LYPD6B: variants seen among roughly 807,000 people sequenced by gnomAD.
LYPD6B encodes the protein LY6/PLAUR domain containing 6B.
A neutral mutation model predicts 22.8 loss-of-function variants in LYPD6B; 17 were observed. That is an observed-to-expected ratio of 0.75 (90% CI 0.51 to 1.12). The LOEUF (loss-of-function observed/expected upper bound fraction) is 1.12, where lower values mean the gene tolerates loss of function less well. LYPD6B is among the 50% of genes most tolerant of loss of function. The probability of loss-of-function intolerance (pLI) is 0.00; values close to 1 mark genes in which losing one functional copy is unlikely to be tolerated. For missense variants in LYPD6B, 221 were observed against 258.3 expected (o/e 0.86, Z 0.99); for synonymous variants, 106 against 91.6 (o/e 1.16, Z -0.90).
At chr2:149,064,589 G>T (rs1684239072) in intron 1 of LYPD6B, among the ~76,000 whole-genome samples, 1 of 152,178 alleles carries the variant, frequency 6.6e-6, no homozygotes, top group Non-Finnish European at 1.5e-5. Context: ...TTTTATAGCA[G>T]AGGAAATAAA....
chr2:149,190,759 T>A (rs1692436082), intron 3 of LYPD6B, among the ~76,000 whole-genome samples: 2 of 152,220 alleles, frequency 1.3e-5, no homozygotes, highest in Non-Finnish European at 1.5e-5. Context: ...GATAATTTTC[T>A]TATGATTTCT....
intron 3 of LYPD6B, among the ~76,000 whole-genome samples, chr2:149,167,653 A>G (rs1156366923): frequency 1.3e-5 from 2 of 152,132 alleles, no homozygotes; most frequent in Admixed American, 6.5e-5. Flanking sequence ...CCTTCCTGAA[A>G]GGGAGGTTTT....
intron 1 of LYPD6B, among the ~76,000 whole-genome samples, chr2:149,119,705 G>A (rs538339322): frequency 1.6e-4 from 25 of 152,192 alleles, no homozygotes; most frequent in Admixed American, 8.5e-4. Context: ...CTGCTAGATA[G>A]GATCTCTTTA....
intron 4 of LYPD6B, chr2:149,206,070 A>C (rs1047947712): frequency 2.2e-6 from 1 of 461,940 alleles, no homozygotes; most frequent in African/African-American, 2.0e-5. Flanking sequence ...CTTATAAATA[A>C]AAAATTATTT....
chr2:149,210,423 T>C (rs1201906435), intron 5 of LYPD6B, among the ~76,000 whole-genome samples: 1 of 152,088 alleles, frequency 6.6e-6, no homozygotes, highest in Non-Finnish European at 1.5e-5. Context: ...GATAGGACAT[T>C]CTTACTATAG....
intron 3 of LYPD6B, among the ~76,000 whole-genome samples, chr2:149,178,565 G>T (rs190791902): frequency 6.6e-6 from 1 of 152,160 alleles, no homozygotes; most frequent in Non-Finnish European, 1.5e-5. Context: ...AAGGGACTCT[G>T]CATCTCCATC....
intron 3 of LYPD6B, among the ~76,000 whole-genome samples, chr2:149,178,830 T>C (rs933938399): frequency 1.3e-5 from 2 of 152,180 alleles, no homozygotes; most frequent in African/African-American, 4.8e-5. Context: ...GCCAGGCCAG[T>C]CTGCACAAAC....
intron 1 of LYPD6B, among the ~76,000 whole-genome samples, chr2:149,121,547 G>T (rs941812206): frequency 6.6e-6 from 1 of 152,182 alleles, no homozygotes; most frequent in Admixed American, 6.5e-5. Flanking sequence ...ACAGAAGTGT[G>T]TGCAGGGTTA....
At chr2:149,059,441 G>A (rs1683966587) in intron 1 of LYPD6B, among the ~76,000 whole-genome samples, 2 of 152,210 alleles carry the variant, frequency 1.3e-5, no homozygotes, top group Admixed American at 1.3e-4. Flanking sequence ...GAACACATCA[G>A]CCTTGGCAGA....
chr2:149,055,988 A>G (rs1397170250), intron 1 of LYPD6B, among the ~76,000 whole-genome samples: 4 of 152,208 alleles, frequency 2.6e-5, no homozygotes, highest in African/African-American at 7.2e-5. Flanking sequence ...CTGTTTTTCT[A>G]TGATCACTTT....
intron 1 of LYPD6B, among the ~76,000 whole-genome samples, chr2:149,104,448 C>T (rs79364690): frequency 0.031 from 4,727 of 152,110 alleles, 117 homozygotes; most frequent in Non-Finnish European, 0.05. Flanking sequence ...GCTAACATAC[C>T]GTGTGTTGGT....
At chr2:149,168,592 G>C (rs567136988) in intron 3 of LYPD6B, among the ~76,000 whole-genome samples, 11 of 152,266 alleles carry the variant, frequency 7.2e-5, no homozygotes, top group African/African-American at 2.6e-4. Context: ...TGAATATTGA[G>C]TTCTGTCTGC....
In LYPD6B at chr2:149,048,497, C is replaced by T. The variant is rs544210401; in HGVS notation, c.-67+9696C>T. On this transcript the variant is annotated intron_variant, in intron 1 of 6. Coordinates refer to ENST00000409642, the MANE Select transcript of LYPD6B (RefSeq NM_177964.5). ...GGTCTGTCTCCATGCTCTTTCAACT[C>T]TCCCAGTGGTAGTCCATTGTTATTT... is the stretch of plus-strand genomic sequence containing the variant. 2.0e-4 allele frequency among the ~76,000 whole-genome samples: 30 copies of T among 152,282 alleles called. No homozygotes were observed. The South Asian group carries it at 5.8e-3, about 29-fold the overall frequency.
At chr2:149,081,647 A>G (rs1685140971) in intron 1 of LYPD6B, among the ~76,000 whole-genome samples, 1 of 152,078 alleles carries the variant, frequency 6.6e-6, no homozygotes, top group African/African-American at 2.4e-5. Context: ...ACGTATCTGG[A>G]TCAAGAAACA....
intron 5 of LYPD6B, among the ~76,000 whole-genome samples, chr2:149,209,292 G>A (rs1384461313): frequency 6.6e-6 from 1 of 152,034 alleles, no homozygotes. Context: ...AGGAGGGAAC[G>A]CCAAATGAGG....
At chr2:149,175,061 C>CTCTCTCTCTGTGTGTGTGTGTG (rs1454802925) in intron 3 of LYPD6B, among the ~76,000 whole-genome samples, 1 of 113,000 alleles carries the variant, frequency 8.8e-6, no homozygotes, top group African/African-American at 3.2e-5. Flanking sequence ...CTCTCTCTCT[C>CTCTCTCTCTGTGTGTGTGTGTG]TGTGTGTGTG....
chr2:149,135,802 A>G (rs1688332835), intron 2 of LYPD6B, among the ~76,000 whole-genome samples: 1 of 151,930 alleles, frequency 6.6e-6, no homozygotes, highest in Admixed American at 6.6e-5. Context: ...TAAAGAAAGA[A>G]TTAAGAAGCC....
chr2:149,123,966 T>C, intron 1 of LYPD6B, among the ~76,000 whole-genome samples: 2 of 152,216 alleles, frequency 1.3e-5, no homozygotes, highest in East Asian at 3.8e-4. Flanking sequence ...ATTTAGGAAA[T>C]GTAATACTCA....
intron 2 of LYPD6B, among the ~76,000 whole-genome samples, chr2:149,151,008 G>A (rs553252032): frequency 1.7e-4 from 26 of 151,790 alleles, no homozygotes; most frequent in Non-Finnish European, 3.4e-4. Flanking sequence ...ACAATAACCC[G>A]ATGACATTTT....
Sources: gnomAD v4.1 joint callset for allele counts (sites outside exome capture counted in the v4.1 genomes callset) on GRCh38, gnomAD v4.1.1 for gene constraint, MANE v1.5 for transcripts, NCBI Gene and HGNC (gene_info 2026-07-23, HGNC 2026-07-21) for gene names.